SLC9B1: variants seen among roughly 807,000 people sequenced by gnomAD.
SLC9B1 encodes sodium/hydrogen exchanger 9B1.
In SLC9B1, 32 loss-of-function variants were observed where a neutral mutation model predicts 51.7. That is an observed-to-expected ratio of 0.62 (90% CI 0.47 to 0.83). The LOEUF is 0.83. Among genes scored for constraint, SLC9B1 ranks in the 40% least tolerant of loss-of-function variants. The probability of loss-of-function intolerance (pLI) is 0.00; values close to 1 mark genes in which losing one functional copy is unlikely to be tolerated. For synonymous variants in SLC9B1, 145 were observed against 212.7 expected (o/e 0.68, Z 2.77); for missense variants, 406 against 613.2 (o/e 0.66, Z 3.57).
intron 10 of SLC9B1, 146 bp from the exon 11 acceptor site, chr4:102,905,796 T>A: frequency 1.4e-6 from 1 of 730,282 alleles, no homozygotes; most frequent in South Asian, 1.9e-5. Flanking sequence ...AAACAATGAT[T>A]ATAAAAAATG....
At chr4:102,890,039 C>T (rs1251112911) in intron 11 of SLC9B1, 1 of 152,156 alleles carries the variant, frequency 6.6e-6, no homozygotes, top group Admixed American at 6.5e-5. Flanking sequence ...CTACTCATGC[C>T]TTACTCAGCA....
rs184815257 is a variant in SLC9B1 at position 103,000,508 on chromosome 4, A to G, written c.-1-8796T>C. Among the ~76,000 whole-genome samples the G allele has an allele frequency of 8.7e-4, 132 of 152,362 alleles. 2 individuals are homozygous for G. The highest frequency in any genetic ancestry group is 1.7e-3 in the Non-Finnish European group (115 of 68,034). ...AATCAAGAGCAAGTTAGTTACTTCC[A>G]AGATACAATGAGGGTACAGGCATTG... is the stretch of plus-strand genomic sequence containing the variant. On this transcript the variant is annotated intron_variant, in intron 1 of 11. Coordinates refer to ENST00000296422, the MANE Select transcript of SLC9B1 (RefSeq NM_139173.4).
intron 3 of SLC9B1, among the ~76,000 whole-genome samples, chr4:102,965,922 C>T (rs1473394304): frequency 6.6e-6 from 1 of 152,194 alleles, no homozygotes. Flanking sequence ...CAAAAGTCAG[C>T]AGGGCAGACA....
intron 3 of SLC9B1, among the ~76,000 whole-genome samples, chr4:102,983,507 C>T (rs1189099849): frequency 6.6e-6 from 1 of 152,100 alleles, no homozygotes; most frequent in African/African-American, 2.4e-5. Context: ...TCAGCGAATC[C>T]ACCTGGGCCC....
chr4:102,940,794 A>C (rs1271544553), intron 6 of SLC9B1, among the ~76,000 whole-genome samples: 1 of 152,234 alleles, frequency 6.6e-6, no homozygotes, highest in Admixed American at 6.5e-5. Context: ...CCAGTGGAAC[A>C]GGTTACAGAA....
In SLC9B1 at chr4:103,016,134, C is replaced by CAAAAAAAAAAAAAAAAA. The variant is rs61227731; in HGVS notation, c.-2+3448_-2+3464dup. 2.3e-3 allele frequency among the ~76,000 whole-genome samples: 116 copies of CAAAAAAAAAAAAAAAAA among 49,592 alleles called. 7 individuals carry two copies. The highest frequency in any genetic ancestry group is 2.8e-3 in the African/African-American group (30 of 10,732). 32.5% of individuals were successfully genotyped at this position (49,592 alleles called of 152,430 possible). ...GGACAACAAGAGCCAAACTCTGTCTCAAAAAAAAAAAAAAAAAAAGGAAAG... is the reference window on the plus strand; with the variant it reads ...GGACAACAAGAGCCAAACTCTGTCTCAAAAAAAAAAAAAAAAAAAAAAAAAAAAAAAAAAAAGGAAAG... On this transcript the variant is annotated intron_variant, in intron 1 of 11. Transcript: ENST00000296422.
intron 3 of SLC9B1, among the ~76,000 whole-genome samples, chr4:102,951,533 G>A (rs1737555623): frequency 1.3e-5 from 2 of 151,710 alleles, no homozygotes; most frequent in African/African-American, 4.8e-5. Flanking sequence ...TTACTTGAAA[G>A]CATTGTAAAA....
intron 6 of SLC9B1, among the ~76,000 whole-genome samples, chr4:102,936,524 G>A (rs1329064639): frequency 1.3e-5 from 2 of 152,164 alleles, no homozygotes; most frequent in Non-Finnish European, 2.9e-5. Context: ...GATGACATAA[G>A]AGCTGAAAGA....
rs373031400 is a variant in SLC9B1 at position 102,956,732 on chromosome 4, A to T, written c.212-7305T>A. On this transcript the variant is annotated intron_variant, in intron 3 of 11. Transcript: ENST00000296422. ...CAAAACAATAACAACAACAAAAACA[A>T]TCACAAATAAAAACCAAATCCAGAT... 9.2e-5 allele frequency among the ~76,000 whole-genome samples: 14 copies of T among 152,328 alleles called. No homozygotes were observed. The East Asian group carries it at 1.9e-3, about 21-fold the overall frequency.
At chr4:102,974,504 A>G (rs1408202274) in intron 3 of SLC9B1, among the ~76,000 whole-genome samples, 1 of 152,082 alleles carries the variant, frequency 6.6e-6, no homozygotes, top group African/African-American at 2.4e-5. Context: ...TGAGTGAAAA[A>G]ATAAAGTGAA....
chr4:102,942,496 C>T (rs1480254861), intron 6 of SLC9B1, among the ~76,000 whole-genome samples: 1 of 152,132 alleles, frequency 6.6e-6, no homozygotes, highest in East Asian at 1.9e-4. Context: ...ACCAATGGAA[C>T]AGAATAGAGA....
chr4:102,973,368 T>C (rs558628664), intron 3 of SLC9B1, among the ~76,000 whole-genome samples: 2 of 152,146 alleles, frequency 1.3e-5, no homozygotes, highest in Non-Finnish European at 2.9e-5. Context: ...TAAAGACATC[T>C]ATGCAAGTAA....
At chr4:103,000,418 C>G (rs755224339) in intron 1 of SLC9B1, among the ~76,000 whole-genome samples, 1 of 152,198 alleles carries the variant, frequency 6.6e-6, no homozygotes, top group Admixed American at 6.5e-5. Flanking sequence ...AGCATTAACT[C>G]AAAAGTCCAC....
At chr4:102,999,389 C>A (rs1332385621) in intron 1 of SLC9B1, among the ~76,000 whole-genome samples, 2 of 152,158 alleles carry the variant, frequency 1.3e-5, no homozygotes, top group Non-Finnish European at 2.9e-5. Flanking sequence ...TATCATGAAG[C>A]TTTCCTTCTA....
rs958084536 is a variant in SLC9B1, at chr4:103,019,636, G to A, written c.-39C>T. 21 of 985,324 alleles carry A rather than the reference G, an allele frequency of 2.1e-5. No individual in the cohort carries two copies. In the South Asian group the frequency reaches 5.2e-4, roughly 24 times the overall value. The allele number at this position is 985,324 out of a possible 1,614,324, so 61.0% of individuals were successfully genotyped here. ...TCGCAGCCCTCGCTGGCCCGGGAGCGGCCCAGGAGCCCAGTGACCGTTGCG... is the reference window on the plus strand; with the variant it reads ...TCGCAGCCCTCGCTGGCCCGGGAGCAGCCCAGGAGCCCAGTGACCGTTGCG... On this transcript the variant is annotated 5_prime_UTR_variant, in exon 1 of 12. Transcript: ENST00000296422.
chr4:103,018,303 G>GAGTATAAACA, intron 1 of SLC9B1, among the ~76,000 whole-genome samples: 1 of 152,074 alleles, frequency 6.6e-6, no homozygotes, highest in East Asian at 1.9e-4. Context: ...TATAAATTCT[G>GAGTATAAACA]GTACTCTAAA....
intron 1 of SLC9B1, among the ~76,000 whole-genome samples, chr4:102,996,700 G>T (rs1393167943): frequency 6.6e-6 from 1 of 151,920 alleles, no homozygotes; most frequent in East Asian, 1.9e-4. Context: ...TTGTAAATCA[G>T]GTAATCACAC....
intron 7 of SLC9B1, among the ~76,000 whole-genome samples, chr4:102,913,476 G>A (rs950076462): frequency 6.6e-6 from 1 of 152,114 alleles, no homozygotes; most frequent in Non-Finnish European, 1.5e-5. Flanking sequence ...TCAGGTAAAG[G>A]TCTTCCGTAT....
intron 9 of SLC9B1, among the ~76,000 whole-genome samples, chr4:102,907,187 C>T (rs1328405996): frequency 6.6e-6 from 1 of 152,184 alleles, no homozygotes; most frequent in Non-Finnish European, 1.5e-5. Flanking sequence ...CATTTTGTCA[C>T]AGAATAAGTG....
Sources: allele counts gnomAD v4.1 joint callset (sites outside exome capture counted in the v4.1 genomes callset), GRCh38; gene constraint gnomAD v4.1.1; transcripts MANE v1.5; gene names NCBI Gene and HGNC (gene_info 2026-07-23, HGNC 2026-07-21).